Variants in OTOG observed in about 807,000 individuals in gnomAD.
OTOG encodes otogelin.
Under a neutral mutation model 313.8 loss-of-function variants are expected in OTOG, and 296 were observed. That is an observed-to-expected ratio of 0.94 (90% CI 0.86 to 1.04). The LOEUF (loss-of-function observed/expected upper bound fraction) is 1.04, where lower values mean the gene tolerates loss of function less well. Among genes scored for constraint, OTOG ranks in the 50% least tolerant of loss-of-function variants. The pLI is 0.00. For missense variants in OTOG, 3,948 were observed against 3,840.1 expected (o/e 1.03, Z -0.74); for synonymous variants, 1,533 against 1,554.9 (o/e 0.99, Z 0.33).
intron 4 of OTOG, 141 bp from the exon 5 acceptor site, chr11:17,552,978 G>T (rs1851976306): frequency 2.6e-6 from 2 of 755,880 alleles, no homozygotes; most frequent in South Asian, 1.7e-5. Flanking sequence ...TGAGGCACCA[G>T]CTTGTGCTAG....
chr11:17,580,325 C>T (rs922059391), intron 23 of OTOG, among the ~76,000 whole-genome samples: 6 of 152,246 alleles, frequency 3.9e-5, no homozygotes, highest in African/African-American at 1.4e-4. Context: ...TTACCCTGAA[C>T]CTCAGCTCCT....
chr11:17,597,130 C>A, intron 30 of OTOG, 123 bp downstream of exon 30: 1 of 1,247,458 alleles, frequency 8.0e-7, no homozygotes, highest in Non-Finnish European at 1.1e-6. Flanking sequence ...GCACCAACTG[C>A]TTTGGGCGTG....
chr11:17,557,323 G>A lies in OTOG; in HGVS notation c.865G>A (p.Gly289Arg). 1 of 1,550,500 alleles carries A rather than the reference G, an allele frequency of 6.4e-7. No individual in the cohort carries two copies. Residue 289 changes from glycine to arginine, a missense_variant and splice_region_variant, in exon 8 of 56, where the codon GGG (glycine) becomes AGG (arginine). Physicochemically the swap from Gly to Arg is moderately radical, Grantham distance 125. Coordinates refer to ENST00000399397, the MANE Select transcript of OTOG (RefSeq NM_001292063.2). Reference protein sequence around the residue: ...DPKDDLVTSSGKLTDDVVEFV... With the variant: ...DPKDDLVTSSRKLTDDVVEFV... The stretch of plus-strand genomic sequence containing the variant: ...CAAGGATGATCTGGTGACCAGCTCT[G>A]GTGAGGGTCAGACAGGTGGCCTCTG...
Position 17,558,527 on chromosome 11 carries a change from C to G in OTOG, c.997-11C>G. The G allele has an allele frequency of 6.4e-7, 1 of 1,550,398 alleles. No individual in the cohort carries two copies. The highest frequency in any genetic ancestry group is 8.7e-7 in the Non-Finnish European group (1 of 1,146,958). On this transcript the variant is annotated splice_polypyrimidine_tract_variant and intron_variant, in intron 9 of 55. Transcript: ENST00000399397. ...CAGCCCCTAGCCCTGGCTCCTGGTCCCTTGCTCTAGGGCGTGTACGAGCAG... is the reference window on the plus strand; with the variant it reads ...CAGCCCCTAGCCCTGGCTCCTGGTCGCTTGCTCTAGGGCGTGTACGAGCAG...
At chr11:17,609,535 C>A (rs1242973830) in intron 35 of OTOG, 120 bp from the exon 36 acceptor site, 8 of 933,904 alleles carry the variant, frequency 8.6e-6, no homozygotes, top group Non-Finnish European at 1.3e-5. Flanking sequence ...CCGTTAGAAG[C>A]TGCCCTCACC....
rs1853491738 is a variant in OTOG, at chr11:17,610,158, G to A, written c.4858G>A (p.Val1620Met). ...TCGCTTCCCGCTCATGACCAAGGCT[G>A]TGACAGTCCGAGGCCATGGCTCCTT... The part of the protein sequence containing the change: ...APRFPLMTKA[V>M]TVRGHGSLPV... The change falls in exon 36 of 56, where the codon GTG (valine) becomes ATG (methionine). Residue 1620 changes from valine to methionine, a missense_variant. By Grantham distance (21) the Val-to-Met change is conservative. Transcript: ENST00000399397. 1 of 1,550,498 alleles carries A rather than the reference G, an allele frequency of 6.4e-7. No individual in the cohort carries two copies. Among genetic ancestry groups the A allele is most frequent in the Non-Finnish European group, 8.7e-7 (1 of 1,146,988 alleles).
At chr11:17,553,037 C>A in intron 4 of OTOG, 82 bp from the exon 5 acceptor site, 1 of 1,285,442 alleles carries the variant, frequency 7.8e-7, no homozygotes, top group Non-Finnish European at 1.1e-6. Context: ...GGGTCTGGAT[C>A]CTGTGAAGCC....
rs553788179 is a variant in OTOG, at chr11:17,558,201, C to A, written c.882C>A (p.Asp294Glu). Residue 294 changes from aspartate to glutamate, a missense_variant, in exon 9 of 56, where the codon GAC (aspartate) becomes GAA (glutamate). Asp to Glu is a conservative substitution (Grantham distance 45, BLOSUM62 2). Coordinates refer to ENST00000399397, the MANE Select transcript of OTOG (RefSeq NM_001292063.2). Reference protein sequence around the residue: ...LVTSSGKLTDDVVEFVHSWQE... With the variant: ...LVTSSGKLTDEVVEFVHSWQE... ...CTCCTCCAGGGAAGCTGACTGACGA[C>A]GTGGTTGAGTTTGTGCACAGCTGGC... The A allele has an allele frequency of 6.4e-7, 1 of 1,550,424 alleles. No homozygotes were observed. Among genetic ancestry groups the A allele is most frequent in the African/African-American group, 1.4e-5 (1 of 73,026 alleles).
intron 19 of OTOG, 53 bp from the exon 20 acceptor site, chr11:17,574,667 A>G (rs1237279801): frequency 6.0e-6 from 9 of 1,497,248 alleles, no homozygotes; most frequent in Non-Finnish European, 7.2e-6. Context: ...CCCACTCCAC[A>G]TAACTGTGGG....
At chr11:17,575,117 A>T (rs969269861) in intron 20 of OTOG, among the ~76,000 whole-genome samples, 3 of 152,216 alleles carry the variant, frequency 2.0e-5, no homozygotes, top group Non-Finnish European at 4.4e-5. Flanking sequence ...CCTTTGGGCC[A>T]TTATAGCAGC....
chr11:17,608,599 G>C (rs1489683668), intron 34 of OTOG, among the ~76,000 whole-genome samples, 186 bp downstream of exon 34: 1 of 152,228 alleles, frequency 6.6e-6, no homozygotes, highest in Non-Finnish European at 1.5e-5. Flanking sequence ...TGCATGATGT[G>C]CATGCAGCAG....
chr11:17,619,101 A>C (rs1737512446), intron 39 of OTOG, among the ~76,000 whole-genome samples: 1 of 152,098 alleles, frequency 6.6e-6, no homozygotes, highest in Non-Finnish European at 1.5e-5. Flanking sequence ...AATCCCTACT[A>C]AAAATATATA....
At chr11:17,574,099 G>A (rs943329379) in intron 19 of OTOG, among the ~76,000 whole-genome samples, 6 of 152,226 alleles carry the variant, frequency 3.9e-5, no homozygotes. Context: ...TGGCTTTGAT[G>A]TGCAGCCTGG....
At chr11:17,580,991 A>T (rs1328483528) in intron 23 of OTOG, among the ~76,000 whole-genome samples, 1 of 152,188 alleles carries the variant, frequency 6.6e-6, no homozygotes, top group East Asian at 1.9e-4. Flanking sequence ...AAGAGAGAAG[A>T]GTGGAAGATC....
At position 17,609,155 on chromosome 11, in the gene OTOG, C is replaced by G. The variant is rs1439363890; in HGVS notation, c.4300C>G (p.Pro1434Ala). The G allele has an allele frequency of 6.4e-7, 1 of 1,550,506 alleles. No homozygotes were observed. The highest frequency in any genetic ancestry group is 8.7e-7 in the Non-Finnish European group (1 of 1,146,906). ...PRVEGCVPVCPTPQVLDEVTQ... is the reference protein window; with the variant it reads ...PRVEGCVPVCATPQVLDEVTQ... The stretch of plus-strand genomic sequence containing the variant: ...GGTAGAAGGCTGTGTCCCTGTGTGC[C>G]CCACCCCCCAGGTCCTGGATGAAGT... Residue 1434 changes from proline to alanine, a missense_variant, in exon 35 of 56, where the codon CCC becomes GCC. Coordinates refer to ENST00000399397, the MANE Select transcript of OTOG (RefSeq NM_001292063.2).
At chr11:17,615,592 G>A (rs919307497) in intron 39 of OTOG, among the ~76,000 whole-genome samples, 35 of 152,172 alleles carry the variant, frequency 2.3e-4, no homozygotes, top group Admixed American at 1.1e-3. Flanking sequence ...ACCATTTTTC[G>A]AAGAGACTAT....
intron 32 of OTOG, among the ~76,000 whole-genome samples, chr11:17,603,783 G>A (rs78550843): frequency 0.012 from 1,773 of 152,330 alleles, 39 homozygotes; most frequent in African/African-American, 0.041. Context: ...ACATCACAGA[G>A]GGGAGGACTC....
intron 39 of OTOG, among the ~76,000 whole-genome samples, chr11:17,628,720 C>G (rs1326367985): frequency 6.6e-6 from 1 of 152,100 alleles, no homozygotes; most frequent in African/African-American, 2.4e-5. Context: ...GGTATGTAGC[C>G]CCAAGGCTGG....
rs1211225181 is a variant in OTOG, at chr11:17,553,519, G to T, written c.540G>T (p.Gln180His). 2.1e-6 allele frequency: 3 copies of T among 1,431,990 alleles called. No homozygotes were observed. Among genetic ancestry groups the T allele is most frequent in the South Asian group, 1.6e-5 (1 of 62,352 alleles). 88.7% of individuals were successfully genotyped at this position (1,431,990 alleles called of 1,614,324 possible). A position where few individuals can be genotyped will look rare whatever the true frequency, so the allele number is the denominator to read the frequency against. Residue 180 changes from glutamine to histidine, a missense_variant and splice_region_variant, in exon 6 of 56, where the codon CAG (glutamine) becomes CAT (histidine). Transcript: ENST00000399397. ...HEPEGQSFSI[Q>H]VHNDPQCGSS... ...CCGAGGGACAGAGCTTCTCCATCCA[G>T]GTGAGGCCTCCCCTGCCTTGCCTGT...
Sources: gnomAD v4.1 joint callset for allele counts (sites outside exome capture counted in the v4.1 genomes callset) on GRCh38, gnomAD v4.1.1 for gene constraint, MANE v1.5 for transcripts, NCBI Gene and HGNC (gene_info 2026-07-23, HGNC 2026-07-21) for gene names.